Variants in TULP4 observed in about 807,000 individuals in gnomAD.
TULP4 encodes tubby-related protein 4.
A neutral mutation model predicts 129.0 loss-of-function variants in TULP4; 16 were observed. The observed-to-expected ratio is 0.12, with a 90% CI of 0.08 to 0.19. The LOEUF (loss-of-function observed/expected upper bound fraction) is 0.19. Among genes scored for constraint, TULP4 ranks in the 10% least tolerant of loss-of-function variants. TULP4 has a pLI of 1.00. For synonymous variants in TULP4, 998 were observed against 854.0 expected (o/e 1.17, Z -2.94); for missense variants, 1,842 against 2,059.1 (o/e 0.89, Z 2.04).
rs12190296 is a variant in TULP4 at position 158,493,900 on chromosome 6, T to C, written c.1776+183T>C. Reference sequence around the variant, plus strand: ...CAGGTGGAGCTCTGGCTTCTCCACCTGTGCCCCTCAGCCAGTTCTGATCTT... The same window carrying C: ...CAGGTGGAGCTCTGGCTTCTCCACCCGTGCCCCTCAGCCAGTTCTGATCTT... On this transcript the variant is annotated intron_variant, in intron 10 of 13. Transcript: ENST00000367097. The surrounding 1 kb of genome is among the most constrained non-coding windows in gnomAD (Gnocchi z 4.4). Among the ~76,000 whole-genome samples the C allele has an allele frequency of 1.1e-3, 162 of 152,294 alleles. No individual in the cohort carries two copies. Among genetic ancestry groups the C allele is most frequent in the Middle Eastern group, 6.8e-3 (2 of 294 alleles).
chr6:158,325,316 C>G (rs1779721226), intron 1 of TULP4, among the ~76,000 whole-genome samples: 1 of 151,010 alleles, frequency 6.6e-6, no homozygotes, highest in African/African-American at 2.4e-5. Flanking sequence ...TAATTGTAGC[C>G]AGTTATTGTA....
chr6:158,385,011 GT>G (rs1465560354), intron 1 of TULP4, among the ~76,000 whole-genome samples: 1 of 152,174 alleles, frequency 6.6e-6, no homozygotes, highest in Non-Finnish European at 1.5e-5. Context: ...TTTTAATTAA[GT>G]TAAGAGTTAG....
upstream of TULP4, among the ~76,000 whole-genome samples, chr6:158,280,187 A>G (rs1475335170): frequency 6.6e-6 from 1 of 152,224 alleles, no homozygotes; most frequent in Non-Finnish European, 1.5e-5. Flanking sequence ...TAATCTTACC[A>G]TGGTAGCAAG....
chr6:158,264,415 A>G (rs558523816), intron 1 of TULP4, among the ~76,000 whole-genome samples: 1 of 152,320 alleles, frequency 6.6e-6, no homozygotes, highest in South Asian at 2.1e-4. Context: ...TTATTTGCAC[A>G]TCAGTCATAA....
At chr6:158,459,378 C>T (rs935086157) in intron 5 of TULP4, among the ~76,000 whole-genome samples, 1 of 151,560 alleles carries the variant, frequency 6.6e-6, no homozygotes. Flanking sequence ...TGCAGTGAGC[C>T]GAGATCGCGC....
intron 1 of TULP4, 129 bp from the exon 2 acceptor site, chr6:158,412,936 T>A: frequency 2.3e-6 from 3 of 1,323,334 alleles, no homozygotes; most frequent in Non-Finnish European, 3.0e-6. Flanking sequence ...CCCTGATCCC[T>A]GCATTCGCCC....
In TULP4 at chr6:158,494,856, A is replaced by C. The variant is rs767173613; in HGVS notation, c.1870+10A>C. On this transcript the variant is annotated intron_variant, in intron 11 of 13. Transcript: ENST00000367097. Reference sequence around the variant, plus strand: ...ACCAACCTCGGTGCAGGTAAAAATCATGTCCTCTTCTCTCATTGTCCCAGT... The same window carrying C: ...ACCAACCTCGGTGCAGGTAAAAATCCTGTCCTCTTCTCTCATTGTCCCAGT... The C allele has an allele frequency of 2.5e-6, 4 of 1,612,324 alleles. No homozygotes were observed. The Admixed American group carries it at 6.7e-5, about 27-fold the overall frequency.
chr6:158,306,427 A>G (rs1418315), intron 1 of TULP4, among the ~76,000 whole-genome samples: 141,838 of 152,270 alleles, frequency 0.93, 66,145 homozygotes, highest in Admixed American at 0.95. Context: ...GCATGGCGGC[A>G]TGCGCCTGTA....
intron 1 of TULP4, among the ~76,000 whole-genome samples, chr6:158,296,878 T>C (rs931575051): frequency 1.3e-5 from 2 of 152,150 alleles, no homozygotes; most frequent in African/African-American, 4.8e-5. Context: ...AGAGCAAAGA[T>C]CACATGCTTC....
At chr6:158,350,223 GGT>G (rs1780477751) in intron 1 of TULP4, among the ~76,000 whole-genome samples, 1 of 149,612 alleles carries the variant, frequency 6.7e-6, no homozygotes, top group Non-Finnish European at 1.5e-5. Flanking sequence ...GCCAGGCAGA[GGT>G]GCTCTTCACT....
chr6:158,447,791 T>G lies in TULP4; in HGVS notation c.544-1205T>G, dbSNP rs188647375. 3.3e-4 allele frequency among the ~76,000 whole-genome samples: 51 copies of G among 152,378 alleles called. 1 individual carries two copies. The highest frequency in any genetic ancestry group is 2.2e-3 in the Admixed American group (33 of 15,310). On this transcript the variant is annotated intron_variant, in intron 3 of 13. Transcript: ENST00000367097. The stretch of plus-strand genomic sequence containing the variant: ...AGACAGCCTTGGCTTGATCACTTAA[T>G]GCCTTTGTCAGCTTACTTGGCCTCT...
intron 1 of TULP4, among the ~76,000 whole-genome samples, chr6:158,331,215 T>G (rs1779870299): frequency 6.6e-6 from 1 of 152,184 alleles, no homozygotes; most frequent in Admixed American, 6.5e-5. Flanking sequence ...CATGAGCCAG[T>G]CTTTTCTATG....
At chr6:158,403,787 G>A (rs1162216587) in intron 1 of TULP4, among the ~76,000 whole-genome samples, 1 of 152,132 alleles carries the variant, frequency 6.6e-6, no homozygotes, top group Non-Finnish European at 1.5e-5. Flanking sequence ...TAGATATCTT[G>A]TAGTCAGTCA....
rs148197589 is a variant in TULP4 at position 158,412,382 on chromosome 6, C to T, written c.253-683C>T. Among the ~76,000 whole-genome samples the T allele has an allele frequency of 5.0e-3, 767 of 152,232 alleles. 3 individuals are homozygous for T. Among genetic ancestry groups the T allele is most frequent in the Non-Finnish European group, 5.2e-3 (357 of 68,020 alleles). ...CTGTGAGGCTTCCCTCAGACTCCTC[C>T]GGCACTCACCTATTCTCAAAAGCCA... is the stretch of plus-strand genomic sequence containing the variant. On this transcript the variant is annotated intron_variant, in intron 1 of 13. Transcript: ENST00000367097.
intron 4 of TULP4, 38 bp downstream of exon 4, chr6:158,449,214 A>G (rs956244092): frequency 6.3e-7 from 1 of 1,579,842 alleles, no homozygotes; most frequent in Admixed American, 1.7e-5. Flanking sequence ...ACTGACCAGA[A>G]GGACAAGGAA....
At chr6:158,248,542 T>C (rs1261289744) in intron 1 of TULP4, among the ~76,000 whole-genome samples, 1 of 152,044 alleles carries the variant, frequency 6.6e-6, no homozygotes, top group East Asian at 1.9e-4. Flanking sequence ...GTGCTGGGAT[T>C]ACAGGCATGA....
At chr6:158,433,198 TC>T (rs1182028902) in intron 3 of TULP4, among the ~76,000 whole-genome samples, 1 of 152,200 alleles carries the variant, frequency 6.6e-6, no homozygotes, top group Non-Finnish European at 1.5e-5. Context: ...TTACACGCTG[TC>T]CCCACACTCT....
In TULP4 at chr6:158,481,417, C is replaced by T. The variant is rs1049514879; in HGVS notation, c.1486+128C>T. Reference sequence around the variant, plus strand: ...GCCTGTGGGGGCTAGTGTGGAACATCCTTGAAGCTACGACATTTCCAGAAT... The same window carrying T: ...GCCTGTGGGGGCTAGTGTGGAACATTCTTGAAGCTACGACATTTCCAGAAT... On this transcript the variant is annotated intron_variant, in intron 8 of 13. Transcript: ENST00000367097. The T allele has an allele frequency of 7.4e-6, 6 of 805,546 alleles. No homozygotes were observed. The African/African-American group carries it at 8.5e-5, about 11-fold the overall frequency. The allele number at this position is 805,546 out of a possible 1,614,324, so 49.9% of individuals were successfully genotyped here.
Position 158,503,981 on chromosome 6 carries a change from G to A in TULP4, c.4318G>A (p.Gly1440Ser), listed in dbSNP as rs374975930. ...WKSKRSPRAA[G>S]ELEEAKCRRA... is the part of the protein sequence containing the mutation. ...AAGCAAGCGCTCCCCACGGGCCGCC[G>A]GCGAGCTGGAGGAGGCCAAGTGCCG... Residue 1440 changes from glycine (G) to serine (S), a missense_variant, in exon 13 of 14, where the codon GGC becomes AGC. Around this residue, in one of 5 missense-constraint regions of TULP4, gnomAD observed 1,089 missense variants for 987.1 expected, o/e 1.10. Transcript: ENST00000367097. The surrounding 1 kb of genome is among the most constrained non-coding windows in gnomAD (Gnocchi z 4.3). 459 of 1,612,776 alleles carry A rather than the reference G, an allele frequency of 2.8e-4. No individual in the cohort carries two copies. The highest frequency in any genetic ancestry group is 4.0e-4 in the East Asian group (18 of 44,858).
Sources: allele counts gnomAD v4.1 joint callset (sites outside exome capture counted in the v4.1 genomes callset), GRCh38; gene constraint gnomAD v4.1.1; regional missense constraint gnomAD v4.1.1; non-coding constraint Gnocchi (gnomAD v3.1); transcripts MANE v1.5; gene names NCBI Gene and HGNC (gene_info 2026-07-23, HGNC 2026-07-21).